The following PGD variants were observed in gnomAD, a reference collection of about 807,000 sequenced individuals.
PGD encodes 6-phosphogluconate dehydrogenase, decarboxylating.
Under a neutral mutation model 60.4 loss-of-function variants are expected in PGD, and 21 were observed. The observed-to-expected ratio is 0.35, with a 90% CI of 0.25 to 0.50. The LOEUF (loss-of-function observed/expected upper bound fraction) is 0.50, where lower values mean the gene tolerates loss of function less well. PGD is among the 20% of genes least tolerant of loss of function. PGD has a pLI of 0.98. For missense variants in PGD, 477 were observed against 613.1 expected (o/e 0.78, Z 2.34); for synonymous variants, 230 against 235.9 (o/e 0.97, Z 0.23).
At chr1:10,402,528 ATTTT>A (rs1179003611) in intron 3 of PGD, among the ~76,000 whole-genome samples, 4 of 144,538 alleles carry the variant, frequency 2.8e-5, no homozygotes, top group Non-Finnish European at 6.1e-5. Flanking sequence ...CTCAAAAAAA[ATTTT>A]TTTTTTTTGA....
At chr1:10,405,348 C>T (rs1050833989) in intron 5 of PGD, among the ~76,000 whole-genome samples, 5 of 149,302 alleles carry the variant, frequency 3.3e-5, no homozygotes, top group Admixed American at 2.7e-4. Context: ...TTCACCCTGG[C>T]GACAGAGTGA....
At chr1:10,417,202 C>A (rs1205350422) in intron 9 of PGD, 85 bp downstream of exon 9, 2 of 1,515,166 alleles carry the variant, frequency 1.3e-6, no homozygotes, top group African/African-American at 2.8e-5. Flanking sequence ...ACACTCGAGG[C>A]CACAGGATGG....
intron 6 of PGD, 107 bp downstream of exon 6, chr1:10,408,247 C>A: frequency 1.4e-6 from 1 of 732,496 alleles, no homozygotes; most frequent in Admixed American, 1.9e-5. Context: ...AGCTTGGTGA[C>A]ATAAACGTCT....
rs538137274 is a variant in PGD at position 10,412,570 on chromosome 1, C to A, written c.655-492C>A. ...TTTTATTGGTATATATAATACTTAACGTGTTCACTCAGCAAACACACGAGT... is the reference window on the plus strand; with the variant it reads ...TTTTATTGGTATATATAATACTTAAAGTGTTCACTCAGCAAACACACGAGT... On this transcript the variant is annotated intron_variant, in intron 7 of 12. Transcript: ENST00000270776. 2.6e-5 allele frequency among the ~76,000 whole-genome samples: 4 copies of A among 152,274 alleles called. No individual in the cohort carries two copies. The South Asian group carries it at 8.3e-4, about 32-fold the overall frequency.
Position 10,417,116 on chromosome 1 carries a change from A to G in PGD, c.974A>G (p.Lys325Arg), listed in dbSNP as rs1463171034. The change falls in exon 9 of 13, where the codon AAG (lysine) becomes AGG (arginine). Residue 325 changes from lysine to arginine, a missense_variant and splice_region_variant. By Grantham distance (26) the Lys-to-Arg change is conservative (BLOSUM62 2). This residue lies in a region of PGD where 431 missense variants were observed against 556.6 expected (regional missense o/e 0.77). Transcript: ENST00000270776. ...DKKSFLEDIR[K>R]ALYASKIISY... ...AAATCATTCCTGGAGGACATTCGGA[A>G]GGTGGGACACAGTCCCTGGCAGTGG... 3 of 1,613,838 alleles carry G rather than the reference A, an allele frequency of 1.9e-6. No individual in the cohort carries two copies. Among genetic ancestry groups the G allele is most frequent in the Non-Finnish European group, 2.5e-6 (3 of 1,179,894 alleles).
At chr1:10,399,764 C>T in intron 2 of PGD, 60 bp downstream of exon 2, 5 of 1,446,964 alleles carry the variant, frequency 3.5e-6, no homozygotes, top group East Asian at 2.3e-5. Flanking sequence ...CCGAGGCCGG[C>T]GATAGGTTTG....
intron 8 of PGD, among the ~76,000 whole-genome samples, chr1:10,415,977 G>A (rs1372873146): frequency 2.6e-5 from 4 of 151,808 alleles, no homozygotes; most frequent in Admixed American, 6.6e-5. Flanking sequence ...AGGTGAGTCC[G>A]TAAATGTGAC....
chr1:10,400,683 A>G, intron 3 of PGD, 111 bp downstream of exon 3: 1 of 776,008 alleles, frequency 1.3e-6, no homozygotes, highest in Non-Finnish European at 2.0e-6. Context: ...ATTTCTGCTA[A>G]GCTCTGACCA....
intron 3 of PGD, among the ~76,000 whole-genome samples, chr1:10,401,209 T>A (rs1366988772): frequency 2.6e-5 from 4 of 151,970 alleles, no homozygotes; most frequent in Non-Finnish European, 5.9e-5. Flanking sequence ...AAAAAAAAAA[T>A]GAAAATAAAA....
chr1:10,418,790 A>T, intron 10 of PGD, 36 bp from the exon 11 acceptor site: 2 of 1,198,890 alleles, frequency 1.7e-6, no homozygotes, highest in Non-Finnish European at 2.4e-6. Context: ...AAAAAAAAAA[A>T]GACTCATTGC....
At chr1:10,400,996 C>T (rs574092853) in intron 3 of PGD, among the ~76,000 whole-genome samples, 21 of 151,982 alleles carry the variant, frequency 1.4e-4, no homozygotes, top group African/African-American at 4.6e-4. Context: ...CTTATGGTCC[C>T]AGGTTCGAGA....
At chr1:10,415,793 A>G (rs1270409875) in intron 8 of PGD, among the ~76,000 whole-genome samples, 1 of 152,244 alleles carries the variant, frequency 6.6e-6, no homozygotes, top group South Asian at 2.1e-4. Context: ...TATTCTAACT[A>G]TAAGTTGTCA....
At chr1:10,412,997 A>C in intron 7 of PGD, 65 bp from the exon 8 acceptor site, 1 of 1,412,756 alleles carries the variant, frequency 7.1e-7, no homozygotes, top group Admixed American at 1.7e-5. Flanking sequence ...TGGACATTGG[A>C]CAAGGGGCTT....
chr1:10,408,749 C>T (rs1380680291), intron 6 of PGD, among the ~76,000 whole-genome samples: 1 of 152,208 alleles, frequency 6.6e-6, no homozygotes, highest in East Asian at 1.9e-4. Context: ...GCTGGGACTG[C>T]AGGTGCATGC....
intron 5 of PGD, among the ~76,000 whole-genome samples, chr1:10,405,425 C>CACACACAT (rs548786254): frequency 1.5e-3 from 217 of 149,566 alleles, no homozygotes; most frequent in African/African-American, 4.6e-3. Context: ...CACACACACA[C>CACACACAT]ATATATATAA....
intron 9 of PGD, 93 bp downstream of exon 9, chr1:10,417,210 T>G (rs1639611469): frequency 6.7e-7 from 1 of 1,495,120 alleles, no homozygotes; most frequent in Non-Finnish European, 9.2e-7. Context: ...GGCCACAGGA[T>G]GGCAGGTGGA....
Position 10,419,773 on chromosome 1 carries a change from A to T in PGD, c.*24A>T. ...GATCATGCTGCTCCTGTCACCCTCC[A>T]CGATTCCACAGACCAGGACATTCCA... is the stretch of plus-strand genomic sequence containing the variant. On this transcript the variant is annotated 3_prime_UTR_variant, in exon 13 of 13. Coordinates refer to ENST00000270776, the MANE Select transcript of PGD (RefSeq NM_002631.4). 6.2e-7 allele frequency: 1 copy of T among 1,613,710 alleles called. No homozygotes were observed. Among genetic ancestry groups the T allele is most frequent in the Non-Finnish European group, 8.5e-7 (1 of 1,179,852 alleles).
At chr1:10,403,817 A>T (rs1267690521) in intron 4 of PGD, among the ~76,000 whole-genome samples, 1 of 152,224 alleles carries the variant, frequency 6.6e-6, no homozygotes, top group African/African-American at 2.4e-5. Flanking sequence ...GCTGAATGGC[A>T]TTAAGTTGTA....
rs557458590 is a variant in PGD, at chr1:10,418,756, A to G, written c.1110-70A>G. ...TGCCACTCCACTCCAGCCTGGTGACAAAGCGGGACTCCGTCTCAAAAAAAA... is the reference window on the plus strand; with the variant it reads ...TGCCACTCCACTCCAGCCTGGTGACGAAGCGGGACTCCGTCTCAAAAAAAA... On this transcript the variant is annotated intron_variant, in intron 10 of 12. Transcript: ENST00000270776. The G allele has an allele frequency of 3.2e-5, 29 of 913,036 alleles. No individual in the cohort carries two copies. In the African/African-American group the frequency reaches 3.6e-4, roughly 11 times the overall value. The allele number at this position is 913,036 out of a possible 1,614,324, so 56.6% of individuals were successfully genotyped here.
Sources: allele counts gnomAD v4.1 joint callset (sites outside exome capture counted in the v4.1 genomes callset), GRCh38; gene constraint gnomAD v4.1.1; regional missense constraint gnomAD v4.1.1; transcripts MANE v1.5; gene names NCBI Gene and HGNC (gene_info 2026-07-23, HGNC 2026-07-21).